PRMT7: variants seen among roughly 807,000 people sequenced by gnomAD.
PRMT7 encodes protein arginine methyltransferase 7.
In PRMT7, 75 loss-of-function variants were observed where a neutral mutation model predicts 85.4. The observed-to-expected ratio is 0.88, with a 90% CI of 0.73 to 1.06. PRMT7 has a LOEUF of 1.06. PRMT7 is among the 50% of genes least tolerant of loss of function. The pLI, the probability that PRMT7 is intolerant of heterozygous loss-of-function variation, is 0.00. For missense variants in PRMT7, 868 were observed against 915.2 expected (o/e 0.95, Z 0.67); for synonymous variants, 397 against 359.5 (o/e 1.10, Z -1.18).
Position 68,356,708 on chromosome 16 carries a change from C to G in PRMT7, c.1819C>G (p.Gln607Glu). Residue 607 changes from glutamine to glutamate, a missense_variant, in exon 18 of 19, where the codon CAG (glutamine) becomes GAG (glutamate). Coordinates refer to ENST00000441236, the MANE Select transcript of PRMT7 (RefSeq NM_019023.5). ...EGTVELRRPG[Q>E]SHAAVLWMEY... ...CCCCCCTCTCCTTGACAGGCCCGGG[C>G]AGAGCCACGCAGCGGTGCTATGGAT... is the stretch of plus-strand genomic sequence containing the variant. 1.2e-6 allele frequency: 2 copies of G among 1,611,794 alleles called. No individual in the cohort carries two copies. Among genetic ancestry groups the G allele is most frequent in the Non-Finnish European group, 8.5e-7 (1 of 1,179,624 alleles).
Position 68,337,460 on chromosome 16 carries a change from G to T in PRMT7, c.393G>T (p.Glu131Asp). ...KHSTEVTVGP[E>D]GDMPCRANIL... The stretch of plus-strand genomic sequence containing the variant: ...ACTCTGTTTTCTTGTGTTTTTCAGA[G>T]GGTGACATGCCATGCCGTGCCAACA... The change falls in exon 7 of 19, where the codon GAG becomes GAT. Residue 131 changes from glutamate (E) to aspartate (D), a missense_variant and splice_region_variant. Physicochemically the swap from Glu to Asp is conservative, Grantham distance 45. Transcript: ENST00000441236. 6.2e-7 allele frequency: 1 copy of T among 1,603,222 alleles called. No homozygotes were observed. The highest frequency in any genetic ancestry group is 1.1e-5 in the South Asian group (1 of 89,834).
Position 68,347,509 on chromosome 16 carries a change from G to C in PRMT7, c.1276-122G>C, listed in dbSNP as rs909530012. Reference sequence around the variant, plus strand: ...GTTCAGGCTGCCCCAGGGAGGGAATGAGGGCAGGGAGGGTTGTTCAGGTGT... The same window carrying C: ...GTTCAGGCTGCCCCAGGGAGGGAATCAGGGCAGGGAGGGTTGTTCAGGTGT... On this transcript the variant is annotated intron_variant, in intron 12 of 18. Transcript: ENST00000441236. The C allele has an allele frequency of 3.6e-5, 41 of 1,147,722 alleles. No individual in the cohort carries two copies. In the African/African-American group the frequency reaches 6.0e-4, roughly 17 times the overall value. 71.1% of individuals were successfully genotyped at this position (1,147,722 alleles called of 1,614,324 possible).
At chr16:68,337,971 C>A (rs977924069) in intron 7 of PRMT7, among the ~76,000 whole-genome samples, 7 of 152,008 alleles carry the variant, frequency 4.6e-5, no homozygotes, top group Non-Finnish European at 8.8e-5. Context: ...GGATTTTGTG[C>A]TGTGTGGGAG....
rs1481243345 is a variant in PRMT7 at position 68,345,767 on chromosome 16, T to C, written c.1020T>C (p.Asp340=). Residue 340 remains aspartate, a synonymous_variant, in exon 10 of 19, where the codon GAT becomes GAC. Coordinates refer to ENST00000441236, the MANE Select transcript of PRMT7 (RefSeq NM_019023.5). ...GSALYLVAHH[D]DYCVWYSLQR... is the part of the protein sequence containing the mutation. ...CGCTCTATCTGGTAGCCCACCACGA[T>C]GACTACTGCGTATGGTACAGCCTGC... 1 of 1,614,158 alleles carries C rather than the reference T, an allele frequency of 6.2e-7. No homozygotes were observed. Among genetic ancestry groups the C allele is most frequent in the Admixed American group, 1.7e-5 (1 of 60,026 alleles).
rs2085266833 is a variant in PRMT7 at position 68,339,960 on chromosome 16, G to A, written c.919G>A (p.Glu307Lys). The A allele has an allele frequency of 1.9e-6, 3 of 1,609,222 alleles. No individual in the cohort carries two copies. Among genetic ancestry groups the A allele is most frequent in the Non-Finnish European group, 2.5e-6 (3 of 1,177,902 alleles). ...APFWAHSDPE[E>K]MQWRDHWMQC... Reference sequence around the variant, plus strand: ...CTTCTGGGCACACTCAGACCCAGAGGAGATGCAGGTAAGAGGCAGGAGCCT... The same window carrying A: ...CTTCTGGGCACACTCAGACCCAGAGAAGATGCAGGTAAGAGGCAGGAGCCT... Residue 307 changes from glutamate (E) to lysine (K), a missense_variant, in exon 9 of 19, where the codon GAG (glutamate) becomes AAG (lysine). Physicochemically the swap from Glu to Lys is moderately conservative, Grantham distance 56. Coordinates refer to ENST00000441236, the MANE Select transcript of PRMT7 (RefSeq NM_019023.5).
At chr16:68,336,672 G>C (rs2084738354) in intron 6 of PRMT7, among the ~76,000 whole-genome samples, 1 of 152,276 alleles carries the variant, frequency 6.6e-6, no homozygotes, top group Non-Finnish European at 1.5e-5. Context: ...GTTTTCATAA[G>C]TTTGATTTCT....
intron 5 of PRMT7, among the ~76,000 whole-genome samples, chr16:68,325,863 G>T (rs1197560672): frequency 6.6e-6 from 1 of 152,162 alleles, no homozygotes; most frequent in East Asian, 1.9e-4. Flanking sequence ...CTTTTCTGGG[G>T]TGAGGCCTGA....
Position 68,356,687 on chromosome 16 carries a change from CCT to C in PRMT7, c.1812-10_1812-9del. ...TGTGTGACTACTTCTGCTGGGCCCC[CCT>C]CTCCTTGACAGGCCCGGGCAGAGCC... On this transcript the variant is annotated splice_polypyrimidine_tract_variant and intron_variant, in intron 17 of 18. Transcript: ENST00000441236. 1.2e-6 allele frequency: 2 copies of C among 1,606,250 alleles called. No individual in the cohort carries two copies. Among genetic ancestry groups the C allele is most frequent in the East Asian group, 2.2e-5 (1 of 44,682 alleles).
chr16:68,347,824 G>A, intron 13 of PRMT7, 146 bp downstream of exon 13: 1 of 681,274 alleles, frequency 1.5e-6, no homozygotes, highest in East Asian at 2.7e-5. Context: ...CTGGAGAGCA[G>A]CCAGAGGCCT....
intron 14 of PRMT7, among the ~76,000 whole-genome samples, chr16:68,349,249 TG>T: frequency 6.6e-6 from 1 of 152,304 alleles, no homozygotes; most frequent in East Asian, 1.9e-4. Context: ...TACCTTGCAC[TG>T]CTCCGTGGCA....
chr16:68,352,140 G>A, intron 14 of PRMT7, 108 bp from the exon 15 acceptor site: 1 of 1,195,272 alleles, frequency 8.4e-7, no homozygotes, highest in Non-Finnish European at 1.2e-6. Context: ...GGGAGGGAGT[G>A]AGGGAGTGAC....
At chr16:68,348,990 A>C (rs1766212672) in intron 14 of PRMT7, among the ~76,000 whole-genome samples, 1 of 152,014 alleles carries the variant, frequency 6.6e-6, no homozygotes, top group Non-Finnish European at 1.5e-5. Context: ...AGGACAGAGC[A>C]GCTCTCTTGG....
At chr16:68,333,514 G>T (rs1597297054) in intron 6 of PRMT7, among the ~76,000 whole-genome samples, 1 of 151,674 alleles carries the variant, frequency 6.6e-6, no homozygotes, top group East Asian at 1.9e-4. Flanking sequence ...AAAGAAACTA[G>T]GTCTCGCTTT....
intron 6 of PRMT7, among the ~76,000 whole-genome samples, chr16:68,333,028 C>G (rs1039953904): frequency 6.6e-6 from 1 of 152,104 alleles, no homozygotes; most frequent in African/African-American, 2.4e-5. Flanking sequence ...CAGTCTCACT[C>G]TGTTGCCTAG....
chr16:68,339,199 A>G (rs2085153639), intron 7 of PRMT7, 123 bp from the exon 8 acceptor site: 3 of 1,244,396 alleles, frequency 2.4e-6, no homozygotes, highest in Non-Finnish European at 3.4e-6. Context: ...TTCTAATAGT[A>G]TAAGGTGTTG....
chr16:68,354,411 G>A (rs924516901), intron 16 of PRMT7: 1 of 152,218 alleles, frequency 6.6e-6, no homozygotes, highest in Non-Finnish European at 1.5e-5. Flanking sequence ...CCAGAGGAGC[G>A]GGAAGCAGCG....
intron 13 of PRMT7, among the ~76,000 whole-genome samples, 172 bp from the exon 14 acceptor site, chr16:68,348,170 C>T (rs1394489014): frequency 6.6e-6 from 1 of 152,146 alleles, no homozygotes; most frequent in African/African-American, 2.4e-5. Context: ...CATCCGTGGT[C>T]TATAGGATGC....
intron 13 of PRMT7, 151 bp from the exon 14 acceptor site, chr16:68,348,191 G>T: frequency 1.5e-6 from 1 of 670,490 alleles, no homozygotes; most frequent in East Asian, 2.7e-5. Flanking sequence ...CCCCCAAGGA[G>T]AGGATTTTTC....
At chr16:68,325,957 A>G (rs543436963) in intron 5 of PRMT7, among the ~76,000 whole-genome samples, 49 of 152,290 alleles carry the variant, frequency 3.2e-4, no homozygotes, top group African/African-American at 9.9e-4. Flanking sequence ...ATGTTTACCA[A>G]TTTGTCATTT....
Sources: gnomAD v4.1 joint callset for allele counts (sites outside exome capture counted in the v4.1 genomes callset) on GRCh38, gnomAD v4.1.1 for gene constraint, MANE v1.5 for transcripts, NCBI Gene and HGNC (gene_info 2026-07-23, HGNC 2026-07-21) for gene names.